RASSF5: variants seen among roughly 807,000 people sequenced by gnomAD.
RASSF5 encodes Ras association domain family member 5.
A neutral mutation model predicts 40.5 loss-of-function variants in RASSF5; 25 were observed. The observed-to-expected ratio is 0.62, with a 90% CI of 0.45 to 0.86. The LOEUF is 0.86. RASSF5 is among the 40% of genes least tolerant of loss of function. RASSF5 has a pLI of 0.00. For missense variants in RASSF5, 521 were observed against 572.8 expected, an observed-to-expected ratio of 0.91 and a Z score of 0.92; for synonymous variants, 246 against 252.4, an observed-to-expected ratio of 0.97 and a Z score of 0.24.
At position 206,538,202 on chromosome 1, in the gene RASSF5, G is replaced by T. The variant is rs781811232; in HGVS notation, c.488G>T (p.Arg163Leu). 5.5e-5 allele frequency: 89 copies of T among 1,614,022 alleles called. 2 individuals are homozygous for T. In the South Asian group the frequency reaches 9.0e-4, roughly 16 times the overall value. The change falls in exon 2 of 6, where the codon CGC (arginine) becomes CTC (leucine). Residue 163 changes from arginine to leucine, a missense_variant. By Grantham distance (102) the Arg-to-Leu change is moderately radical. Transcript: ENST00000579436. ...AAATTCACCTGTCACCCAGAATGCC[G>T]CAGCCTGATCCAGTTGGACTGCAGT... Reference protein sequence around the residue: ...NCKFTCHPECRSLIQLDCSQQ... With the variant: ...NCKFTCHPECLSLIQLDCSQQ...
chr1:206,536,790 C>T (rs1004534003), intron 1 of RASSF5, among the ~76,000 whole-genome samples: 27 of 152,228 alleles, frequency 1.8e-4, no homozygotes, highest in Non-Finnish European at 2.8e-4. Context: ...CCACAAAACC[C>T]GCCCACCCTA....
rs1558526707 is a variant in RASSF5 at position 206,587,782 on chromosome 1, G to C, written c.*804G>C. 1 of 152,440 alleles carries C rather than the reference G, an allele frequency of 6.6e-6. No individual in the cohort carries two copies. The highest frequency in any genetic ancestry group is 1.5e-5 in the Non-Finnish European group (1 of 68,066). 9.4% of individuals were successfully genotyped at this position (152,440 alleles called of 1,614,324 possible). On this transcript the variant is annotated 3_prime_UTR_variant, in exon 6 of 6. Transcript: ENST00000579436. Reference sequence around the variant, plus strand: ...TCGTCATGTGTTTCCCCAAAGGGAAGCCAGTCATTGACCATTTAAAAAGTC... The same window carrying C: ...TCGTCATGTGTTTCCCCAAAGGGAACCCAGTCATTGACCATTTAAAAAGTC...
chr1:206,566,800 T>A (rs1668301586), intron 2 of RASSF5, among the ~76,000 whole-genome samples: 1 of 152,136 alleles, frequency 6.6e-6, no homozygotes, highest in African/African-American at 2.4e-5. Context: ...ACCTCGCCGC[T>A]CTTTCTCTCC....
At chr1:206,528,984 G>T in intron 1 of RASSF5, 1 of 684,402 alleles carries the variant, frequency 1.5e-6, no homozygotes, top group Non-Finnish European at 2.6e-6. Context: ...GGCCAAGGAA[G>T]TGGTGAATCC....
intron 1 of RASSF5, among the ~76,000 whole-genome samples, chr1:206,536,460 C>T (rs1171041423): frequency 6.6e-6 from 1 of 151,948 alleles, no homozygotes. Context: ...TCAGGGTGCT[C>T]CCCTATGGAC....
At chr1:206,548,843 T>G (rs782556031) in intron 2 of RASSF5, among the ~76,000 whole-genome samples, 9 of 152,148 alleles carry the variant, frequency 5.9e-5, no homozygotes, top group Non-Finnish European at 1.0e-4. Flanking sequence ...AAAATTCTCT[T>G]TTCTTTCTGT....
In RASSF5 at chr1:206,575,725, G is replaced by A. The variant is rs542996834; in HGVS notation, c.580-7544G>A. On this transcript the variant is annotated intron_variant, in intron 2 of 5. Coordinates refer to ENST00000579436, the MANE Select transcript of RASSF5 (RefSeq NM_182663.4). Reference sequence around the variant, plus strand: ...CGAAGGGGCCCTTAGAGCTTCTCCAGTATCACTTCATGATTTCACAGATAA... The same window carrying A: ...CGAAGGGGCCCTTAGAGCTTCTCCAATATCACTTCATGATTTCACAGATAA... 2.0e-5 allele frequency among the ~76,000 whole-genome samples: 3 copies of A among 152,354 alleles called. No homozygotes were observed. The South Asian group carries it at 6.2e-4, about 32-fold the overall frequency.
At chr1:206,533,598 C>CA (rs1433610819) in intron 1 of RASSF5, among the ~76,000 whole-genome samples, 3 of 151,738 alleles carry the variant, frequency 2.0e-5, no homozygotes, top group Admixed American at 6.6e-5. Context: ...TCAACAGCAA[C>CA]AAAAAAATCA....
At chr1:206,522,462 T>C (rs782505705) in intron 1 of RASSF5, among the ~76,000 whole-genome samples, 6 of 152,224 alleles carry the variant, frequency 3.9e-5, no homozygotes, top group Non-Finnish European at 8.8e-5. Context: ...CGTTTTCTGA[T>C]GTGGTGTCGG....
chr1:206,564,921 A>G (rs2103545813), intron 2 of RASSF5, among the ~76,000 whole-genome samples: 1 of 152,302 alleles, frequency 6.6e-6, no homozygotes, highest in South Asian at 2.1e-4. Context: ...TTCTGTTCAC[A>G]GAAGGCTTCT....
chr1:206,534,686 C>T (rs530426162), intron 1 of RASSF5, among the ~76,000 whole-genome samples: 1 of 152,306 alleles, frequency 6.6e-6, no homozygotes, highest in East Asian at 1.9e-4. Flanking sequence ...CTGCTTTGGG[C>T]TGTCTCTGTT....
chr1:206,536,626 G>A (rs1553398720), intron 1 of RASSF5, among the ~76,000 whole-genome samples: 2 of 152,210 alleles, frequency 1.3e-5, no homozygotes, highest in East Asian at 3.9e-4. Context: ...AGAGTGTGCT[G>A]TGGTGGCTTT....
At chr1:206,586,168 G>A (rs1472359714) in intron 5 of RASSF5, 1 of 152,356 alleles carries the variant, frequency 6.6e-6, no homozygotes, top group African/African-American at 2.4e-5. Context: ...GACCAAACCA[G>A]ATAAACCTTA....
At chr1:206,522,184 T>A (rs1930440) in intron 1 of RASSF5, among the ~76,000 whole-genome samples, 3,917 of 152,278 alleles carry the variant, frequency 0.026, 80 homozygotes, top group Non-Finnish European at 0.036. Flanking sequence ...TGACTGCCTG[T>A]ACTTTGTAAC....
chr1:206,514,581 G>T (rs535029640), intron 1 of RASSF5, among the ~76,000 whole-genome samples: 3 of 152,306 alleles, frequency 2.0e-5, no homozygotes, highest in Non-Finnish European at 4.4e-5. Context: ...GGGTGGGGCA[G>T]GTCTTATTTA....
Position 206,555,409 on chromosome 1 carries a change from G to T in RASSF5, c.579+17116G>T, listed in dbSNP as rs944659528. ...TATTAGATTCCCACTGAGCAAGGAG[G>T]TTCTTTTTATGAAGAAAAGCATGTT... On this transcript the variant is annotated intron_variant, in intron 2 of 5. Transcript: ENST00000579436. Among the ~76,000 whole-genome samples the T allele has an allele frequency of 2.6e-5, 4 of 152,168 alleles. No homozygotes were observed. In the East Asian group the frequency reaches 5.8e-4, roughly 22 times the overall value.
chr1:206,581,470 G>A (rs570993368), intron 2 of RASSF5, among the ~76,000 whole-genome samples: 20 of 152,142 alleles, frequency 1.3e-4, no homozygotes, highest in African/African-American at 3.1e-4. Context: ...GTGGTGGTGC[G>A]CACCTGTAAT....
intron 2 of RASSF5, among the ~76,000 whole-genome samples, chr1:206,558,714 A>C (rs564399982): frequency 6.6e-6 from 1 of 152,256 alleles, no homozygotes; most frequent in African/African-American, 2.4e-5. Flanking sequence ...TCCAATTGTG[A>C]GAAGAGGCCC....
At position 206,507,599 on chromosome 1, in the gene RASSF5, G is replaced by C. The variant is rs534848232; in HGVS notation, c.-4G>C. On this transcript the variant is annotated 5_prime_UTR_variant, in exon 1 of 6. Transcript: ENST00000579436. The stretch of plus-strand genomic sequence containing the variant: ...GCTGCCAAAGCTGCCGCCACTAGCC[G>C]GGCATGGCCATGGCGTCCCCGGCCA... 1 of 1,501,882 alleles carries C rather than the reference G, an allele frequency of 6.7e-7. No individual in the cohort carries two copies. Among genetic ancestry groups the C allele is most frequent in the South Asian group, 1.2e-5 (1 of 80,922 alleles). 93.0% of individuals were successfully genotyped at this position (1,501,882 alleles called of 1,614,324 possible). A position where few individuals can be genotyped will look rare whatever the true frequency, so the allele number is the denominator to read the frequency against.
Sources: gnomAD v4.1 joint callset for allele counts (sites outside exome capture counted in the v4.1 genomes callset) on GRCh38, gnomAD v4.1.1 for gene constraint, MANE v1.5 for transcripts, NCBI Gene and HGNC (gene_info 2026-07-23, HGNC 2026-07-21) for gene names.